Variants in RFX7 observed in about 807,000 individuals in gnomAD.
The protein encoded by RFX7 is DNA-binding protein RFX7.
In RFX7, 26 loss-of-function variants were observed where a neutral mutation model predicts 111.8. That is an observed-to-expected ratio of 0.23 (90% CI 0.17 to 0.32). The LOEUF is 0.32. Ranked by LOEUF, RFX7 falls within the 10% of genes least tolerant of loss-of-function variation. RFX7 has a pLI of 1.00. For missense variants in RFX7, 1,573 were observed against 1,772.9 expected (o/e 0.89, Z 2.02); for synonymous variants, 624 against 624.4 (o/e 1.00, Z 0.01).
chr15:56,196,928 A>C (rs1350178679), intron 2 of RFX7, among the ~76,000 whole-genome samples: 1 of 152,126 alleles, frequency 6.6e-6, no homozygotes, highest in African/African-American at 2.4e-5. Context: ...AAATATTCGC[A>C]CACACACTAC....
chr15:56,237,128 T>C (rs139407933), intron 2 of RFX7, among the ~76,000 whole-genome samples: 3 of 152,326 alleles, frequency 2.0e-5, no homozygotes, highest in Non-Finnish European at 2.9e-5. Flanking sequence ...TCAATATTGA[T>C]TTAGTAACAG....
chr15:56,149,082 C>CAAA (rs34272707), intron 3 of RFX7, among the ~76,000 whole-genome samples: 3 of 78,922 alleles, frequency 3.8e-5, no homozygotes, highest in East Asian at 3.1e-4. Flanking sequence ...GACTCCGTCT[C>CAAA]AAAAAAAAAA....
At chr15:56,191,359 A>T (rs900529959) in intron 2 of RFX7, among the ~76,000 whole-genome samples, 6 of 152,232 alleles carry the variant, frequency 3.9e-5, no homozygotes, top group Non-Finnish European at 7.3e-5. Flanking sequence ...CCTATAGACA[A>T]AGGAGTTAGA....
intron 5 of RFX7, among the ~76,000 whole-genome samples, chr15:56,125,826 G>A (rs1420871694): frequency 4.6e-5 from 7 of 151,994 alleles, no homozygotes; most frequent in African/African-American, 1.7e-4. Flanking sequence ...AAATAAATTA[G>A]GACTCAAATT....
At position 56,160,351 on chromosome 15, in the gene RFX7, GT is replaced by G. The variant is rs77452375; in HGVS notation, c.196-15869del. On this transcript the variant is annotated intron_variant, in intron 3 of 9. Coordinates refer to ENST00000559447, the MANE Select transcript of RFX7 (RefSeq NM_022841.7). ...CTTTTCAGATTGGTATCAGTAAAAAGTTTTTTTTTTTTTTTAAGTTTTAACT... is the reference window on the plus strand; with the variant it reads ...CTTTTCAGATTGGTATCAGTAAAAAGTTTTTTTTTTTTTTAAGTTTTAACT... Among the ~76,000 whole-genome samples the G allele has an allele frequency of 7.8e-3, 1,060 of 135,892 alleles. 11 individuals carry two copies. Among genetic ancestry groups the G allele is most frequent in the African/African-American group, 0.024 (898 of 37,640 alleles). The allele number at this position is 135,892 out of a possible 152,430, so 89.2% of individuals were successfully genotyped here.
At position 56,239,928 on chromosome 15, in the gene RFX7, A is replaced by G. The variant is rs918267316; in HGVS notation, c.161+3197T>C. Among the ~76,000 whole-genome samples, 29 of 151,374 alleles carry G rather than the reference A, an allele frequency of 1.9e-4. 1 individual carries two copies. Among genetic ancestry groups the G allele is most frequent in the African/African-American group, 6.5e-4 (27 of 41,236 alleles). On this transcript the variant is annotated intron_variant, in intron 2 of 9. Coordinates refer to ENST00000559447, the MANE Select transcript of RFX7 (RefSeq NM_022841.7). ...CTGTTGCTTACACTAAAAAATTTTCACTAAACTACGAAGACACTGAGAGAT... is the reference window on the plus strand; with the variant it reads ...CTGTTGCTTACACTAAAAAATTTTCGCTAAACTACGAAGACACTGAGAGAT...
At chr15:56,201,391 G>A (rs2043191730) in intron 2 of RFX7, among the ~76,000 whole-genome samples, 1 of 152,098 alleles carries the variant, frequency 6.6e-6, no homozygotes, top group Admixed American at 6.5e-5. Flanking sequence ...CTTCCACAAG[G>A]CAGTAATAGA....
At chr15:56,106,699 A>G (rs1382986479) in intron 5 of RFX7, among the ~76,000 whole-genome samples, 1 of 152,208 alleles carries the variant, frequency 6.6e-6, no homozygotes, top group African/African-American at 2.4e-5. Context: ...AAGAATTTCA[A>G]TAGGACACCT....
intron 2 of RFX7, among the ~76,000 whole-genome samples, chr15:56,182,050 C>T (rs2042980119): frequency 6.6e-6 from 1 of 151,966 alleles, no homozygotes; most frequent in African/African-American, 2.4e-5. Flanking sequence ...CCATTGCTCC[C>T]AGAAGAGACC....
At chr15:56,227,999 ACTTT>A (rs1241606523) in intron 2 of RFX7, among the ~76,000 whole-genome samples, 9 of 152,050 alleles carry the variant, frequency 5.9e-5, no homozygotes, top group Admixed American at 2.0e-4. Context: ...TGGCGGTTTT[ACTTT>A]CTTTTTCTTC....
chr15:56,136,091 C>A (rs1346846207), intron 5 of RFX7, among the ~76,000 whole-genome samples: 1 of 152,006 alleles, frequency 6.6e-6, no homozygotes, highest in Non-Finnish European at 1.5e-5. Context: ...ATTGACTTGG[C>A]GATGCGGGCT....
intron 2 of RFX7, among the ~76,000 whole-genome samples, chr15:56,207,027 G>A (rs2043260835): frequency 6.6e-6 from 1 of 152,028 alleles, no homozygotes; most frequent in African/African-American, 2.4e-5. Context: ...TAACACAAAG[G>A]ATAAATGCAT....
rs906934215 is a variant in RFX7 at position 56,093,907 on chromosome 15, G to C, written c.3821C>G (p.Pro1274Arg). The C allele has an allele frequency of 3.7e-6, 6 of 1,613,864 alleles. No individual in the cohort carries two copies. The highest frequency in any genetic ancestry group is 4.2e-6 in the Non-Finnish European group (5 of 1,179,844). ...ATTCATCCGGGCTGTATAATTAGAG[G>C]GCAGGTTGTTCATTCCCAAACCTCT... ...AVRGLGMNNL[P>R]SNYTARMNLT... Residue 1274 changes from proline (P) to arginine (R), a missense_variant, in exon 10 of 10, where the codon CCC (proline) becomes CGC (arginine). Physicochemically the swap from Pro to Arg is moderately radical, Grantham distance 103. Coordinates refer to ENST00000559447, the MANE Select transcript of RFX7 (RefSeq NM_022841.7).
chr15:56,164,456 C>A (rs1273829236), intron 3 of RFX7, among the ~76,000 whole-genome samples: 3 of 152,154 alleles, frequency 2.0e-5, no homozygotes, highest in South Asian at 2.1e-4. Flanking sequence ...ATGGAGCAAG[C>A]CATACCAATA....
intron 2 of RFX7, among the ~76,000 whole-genome samples, chr15:56,226,707 T>C (rs1015599510): frequency 6.6e-6 from 1 of 152,202 alleles, no homozygotes. Flanking sequence ...TGATAAGACC[T>C]GCTATTTAAT....
chr15:56,215,765 TAAAC>T (rs1351310979), intron 2 of RFX7, among the ~76,000 whole-genome samples: 1 of 152,240 alleles, frequency 6.6e-6, no homozygotes, highest in African/African-American at 2.4e-5. Flanking sequence ...CTTAATGGTT[TAAAC>T]AAACATTTTT....
chr15:56,147,011 C>T (rs982976515), intron 3 of RFX7, among the ~76,000 whole-genome samples: 1 of 152,172 alleles, frequency 6.6e-6, no homozygotes, highest in Non-Finnish European at 1.5e-5. Context: ...AAGACCCTAA[C>T]CTTGCTTGAT....
intron 3 of RFX7, among the ~76,000 whole-genome samples, chr15:56,158,300 T>C (rs1253036591): frequency 6.6e-6 from 1 of 152,134 alleles, no homozygotes; most frequent in Non-Finnish European, 1.5e-5. Flanking sequence ...TTTCAAAATA[T>C]AAAACACAGC....
chr15:56,204,665 T>C (rs1284003892), intron 2 of RFX7, among the ~76,000 whole-genome samples: 1 of 152,220 alleles, frequency 6.6e-6, no homozygotes, highest in Non-Finnish European at 1.5e-5. Flanking sequence ...TAATGATCTA[T>C]GGAGCTATAC....
Sources: gnomAD v4.1 joint callset for allele counts (sites outside exome capture counted in the v4.1 genomes callset) on GRCh38, gnomAD v4.1.1 for gene constraint, MANE v1.5 for transcripts, NCBI Gene and HGNC (gene_info 2026-07-23, HGNC 2026-07-21) for gene names.